The following TMPRSS11B variants were observed in gnomAD, a reference collection of about 807,000 sequenced individuals.
TMPRSS11B encodes transmembrane protease serine 11B.
In TMPRSS11B, 53 loss-of-function variants were observed where a neutral mutation model predicts 44.7. The observed-to-expected ratio is 1.19, with a 90% CI of 0.95 to 1.49. The LOEUF (loss-of-function observed/expected upper bound fraction) is 1.49. TMPRSS11B is among the 40% of genes most tolerant of loss of function. The pLI is 0.00. For missense variants in TMPRSS11B, 526 were observed against 494.8 expected, an observed-to-expected ratio of 1.06 and a Z score of -0.60; for synonymous variants, 140 against 159.2, an observed-to-expected ratio of 0.88 and a Z score of 0.91.
rs1220163399 is a variant in TMPRSS11B, at chr4:68,241,770, A to G, written c.43T>C (p.Trp15Arg). Residue 15 changes from tryptophan (W) to arginine (R), a missense_variant, in exon 2 of 10, where the codon TGG becomes CGG. Physicochemically the swap from Trp to Arg is moderately radical, Grantham distance 101. Transcript: ENST00000332644. ...GISSQRSWPL[W>R]TTIFIFLGVA... Reference sequence around the variant, plus strand: ...CCAAGAAAAATAAAGATCGTAGTCCATAGTGGCCAAGATCTTTGGGAAGAT... The same window carrying G: ...CCAAGAAAAATAAAGATCGTAGTCCGTAGTGGCCAAGATCTTTGGGAAGAT... The G allele has an allele frequency of 6.2e-7, 1 of 1,613,452 alleles. No individual in the cohort carries two copies.
chr4:68,241,674 AT>A lies in TMPRSS11B; in HGVS notation c.124+14del. 1 of 1,494,096 alleles carries A rather than the reference AT, an allele frequency of 6.7e-7. No individual in the cohort carries two copies. Among genetic ancestry groups the A allele is most frequent in the Non-Finnish European group, 9.3e-7 (1 of 1,078,938 alleles). The allele number at this position is 1,494,096 out of a possible 1,614,324, so 92.6% of individuals were successfully genotyped here. ...TTTATAGCAAGGATGAAAACTGAAA[AT>A]AATCAGTACTCACCAACTGCCAGAA... On this transcript the variant is annotated intron_variant, in intron 2 of 9. Transcript: ENST00000332644.
At chr4:68,236,709 A>G (rs1280449990) in intron 2 of TMPRSS11B, among the ~76,000 whole-genome samples, 1 of 152,176 alleles carries the variant, frequency 6.6e-6, no homozygotes, top group African/African-American at 2.4e-5. Flanking sequence ...CACTAGATAT[A>G]AAACATCTTT....
Position 68,245,579 on chromosome 4 carries a change from A to G in TMPRSS11B, c.-21T>C. On this transcript the variant is annotated 5_prime_UTR_variant, in exon 1 of 10. Coordinates refer to ENST00000332644, the MANE Select transcript of TMPRSS11B (RefSeq NM_182502.3). ...TACATAATGTTCTGATTGTTATGGC[A>G]GTATCAGGTATAACGGTGGTAATGA... 1 of 1,613,048 alleles carries G rather than the reference A, an allele frequency of 6.2e-7. No homozygotes were observed. Among genetic ancestry groups the G allele is most frequent in the Non-Finnish European group, 8.5e-7 (1 of 1,179,180 alleles).
At position 68,232,423 on chromosome 4, in the gene TMPRSS11B, G is replaced by A. The variant is rs1719542516; in HGVS notation, c.470-7C>T. On this transcript the variant is annotated splice_polypyrimidine_tract_variant and splice_region_variant and intron_variant, in intron 5 of 9. Transcript: ENST00000332644. ...GAAGCAGCCTTGCTGATTTCTGAAA[G>A]TGAAAAACAAAACAAAATATAAAAT... The A allele has an allele frequency of 6.2e-7, 1 of 1,610,642 alleles. No homozygotes were observed. The highest frequency in any genetic ancestry group is 8.5e-7 in the Non-Finnish European group (1 of 1,178,250).
chr4:68,239,217 C>T (rs1719753711), intron 2 of TMPRSS11B, among the ~76,000 whole-genome samples: 1 of 152,146 alleles, frequency 6.6e-6, no homozygotes, highest in Non-Finnish European at 1.5e-5. Flanking sequence ...GGACTAGTCT[C>T]CTTATAAGAG....
At chr4:68,245,503 A>G (rs1719975430) in intron 1 of TMPRSS11B, 48 bp downstream of exon 1, 1 of 1,602,760 alleles carries the variant, frequency 6.2e-7, no homozygotes, top group Non-Finnish European at 8.5e-7. Context: ...CTTAATGGCA[A>G]CTTGCTACAT....
At chr4:68,228,144 T>G (rs139320971) in intron 9 of TMPRSS11B, 72 bp from the exon 10 acceptor site, 5 of 1,368,648 alleles carry the variant, frequency 3.7e-6, no homozygotes, top group Non-Finnish European at 4.9e-6. Context: ...TGTGGAGTTA[T>G]CTGTACCTCC....
At chr4:68,242,374 T>TA (rs1719883276) in intron 1 of TMPRSS11B, among the ~76,000 whole-genome samples, 1 of 64,354 alleles carries the variant, frequency 1.6e-5, no homozygotes, top group African/African-American at 6.4e-5. Context: ...ATATATAATA[T>TA]TATATATATA....
intron 2 of TMPRSS11B, among the ~76,000 whole-genome samples, chr4:68,238,370 C>T (rs1719731205): frequency 6.6e-6 from 1 of 152,086 alleles, no homozygotes; most frequent in Non-Finnish European, 1.5e-5. Flanking sequence ...AGCCCCATCA[C>T]AAATCAGCTG....
At chr4:68,242,448 G>GCTGC (rs1719887676) in intron 1 of TMPRSS11B, among the ~76,000 whole-genome samples, 3 of 127,154 alleles carry the variant, frequency 2.4e-5, no homozygotes, top group African/African-American at 9.0e-5. Flanking sequence ...TTATAGGTTT[G>GCTGC]ATAATTGCAG....
At chr4:68,233,201 A>C (rs926238183) in intron 5 of TMPRSS11B, among the ~76,000 whole-genome samples, 4 of 152,082 alleles carry the variant, frequency 2.6e-5, no homozygotes, top group African/African-American at 7.2e-5. Flanking sequence ...AGCTACTCAC[A>C]GAAAAATTTT....
At chr4:68,239,193 A>G (rs1476754663) in intron 2 of TMPRSS11B, among the ~76,000 whole-genome samples, 1 of 152,220 alleles carries the variant, frequency 6.6e-6, no homozygotes, top group African/African-American at 2.4e-5. Context: ...TAAGGTTGAG[A>G]CACGAATCCA....
chr4:68,232,377 C>T lies in TMPRSS11B; in HGVS notation c.508+1G>A. 6.2e-7 allele frequency: 1 copy of T among 1,612,128 alleles called. No individual in the cohort carries two copies. Among genetic ancestry groups the T allele is most frequent in the Non-Finnish European group, 8.5e-7 (1 of 1,179,140 alleles). ...TTATAATTAAAAGGTCCTTAACTTACAGTTGTTGGTAAGCATTTCAGAAGC... is the reference window on the plus strand; with the variant it reads ...TTATAATTAAAAGGTCCTTAACTTATAGTTGTTGGTAAGCATTTCAGAAGC... On this transcript the variant is annotated splice_donor_variant, in intron 6 of 9. Coordinates refer to ENST00000332644, the MANE Select transcript of TMPRSS11B (RefSeq NM_182502.3). LOFTEE classifies it high-confidence loss of function.
In TMPRSS11B at chr4:68,241,814, A is replaced by T; in HGVS notation, c.9-10T>A. 1 of 1,592,874 alleles carries T rather than the reference A, an allele frequency of 6.3e-7. No homozygotes were observed. Among genetic ancestry groups the T allele is most frequent in the South Asian group, 1.1e-5 (1 of 90,582 alleles). ...GGAAGATATGCCGTGCCTATGAAAG[A>T]GGAAAATTTTGGTTCAAATCAGATA... On this transcript the variant is annotated splice_polypyrimidine_tract_variant and intron_variant, in intron 1 of 9. Coordinates refer to ENST00000332644, the MANE Select transcript of TMPRSS11B (RefSeq NM_182502.3).
At chr4:68,231,145 A>T (rs1438151541) in intron 7 of TMPRSS11B, 58 bp downstream of exon 7, 1 of 1,484,612 alleles carries the variant, frequency 6.7e-7, no homozygotes, top group Non-Finnish European at 9.0e-7. Flanking sequence ...ACCCCTACAA[A>T]CTATCCAAAA....
In TMPRSS11B at chr4:68,241,720, G is replaced by A. The variant is rs144341696; in HGVS notation, c.93C>T (p.Thr31=). ...FLGVAAILGV[T]IGLLVHFLAV... is the part of the protein sequence containing the mutation. ...CCAGAAAATGAACAAGAAGACCAAT[G>A]GTTACTCCCAAGATTGCCGCCACTC... The change falls in exon 2 of 10, where the codon ACC becomes ACT. Residue 31 remains threonine, a synonymous_variant. Transcript: ENST00000332644. 6.5e-5 allele frequency: 104 copies of A among 1,612,276 alleles called. No homozygotes were observed. The African/African-American group carries it at 1.3e-3, about 21-fold the overall frequency.
chr4:68,240,699 A>C (rs923529347), intron 2 of TMPRSS11B, among the ~76,000 whole-genome samples: 8 of 152,038 alleles, frequency 5.3e-5, no homozygotes, highest in Admixed American at 3.9e-4. Flanking sequence ...TGAACATTTC[A>C]TGGATAGATA....
intron 7 of TMPRSS11B, among the ~76,000 whole-genome samples, chr4:68,229,944 A>G (rs971241679): frequency 4.6e-5 from 7 of 152,022 alleles, no homozygotes; most frequent in African/African-American, 1.7e-4. Context: ...CCTAATGTCT[A>G]TTGTTCCCCT....
rs1351957736 is a variant in TMPRSS11B, at chr4:68,236,915, C to CCTT, written c.125-650_125-649insAAG. 3.0e-3 allele frequency among the ~76,000 whole-genome samples: 431 copies of CCTT among 143,088 alleles called. 5 individuals are homozygous for CCTT. The highest frequency in any genetic ancestry group is 0.01 in the African/African-American group (409 of 39,020). The allele number at this position is 143,088 out of a possible 152,430, so 93.9% of individuals were successfully genotyped here. A position where few individuals can be genotyped will look rare whatever the true frequency, so the allele number is the denominator to read the frequency against. On this transcript the variant is annotated intron_variant, in intron 2 of 9. Transcript: ENST00000332644. ...TTATTCCTGGAGGACACCATGGTGC[C>CCTT]ATTATTATTATTATTATTATTATTA...
Sources: allele counts gnomAD v4.1 joint callset (sites outside exome capture counted in the v4.1 genomes callset), GRCh38; gene constraint gnomAD v4.1.1; transcripts MANE v1.5; gene names NCBI Gene and HGNC (gene_info 2026-07-23, HGNC 2026-07-21).